Variants in GBP3 observed in about 807,000 individuals in gnomAD.
The protein encoded by GBP3 is guanylate-binding protein 3.
In GBP3, 55 loss-of-function variants were observed where a neutral mutation model predicts 62.4. That is an observed-to-expected ratio of 0.88 (90% CI 0.71 to 1.10). GBP3 has a LOEUF of 1.10. Among genes scored for constraint, GBP3 ranks in the 50% least tolerant of loss-of-function variants. The pLI is 0.00. For missense variants in GBP3, 605 were observed against 690.6 expected (o/e 0.88, Z 1.39); for synonymous variants, 208 against 259.2 (o/e 0.80, Z 1.90).
chr1:89,015,365 C>T lies in GBP3; in HGVS notation c.240G>A (p.Met80Ile). ...GCTTTTTGGGGTGAGGCACACACCA[C>T]ATCCAGATTCCTTTGGTGTGAGATT... ...TVKSHTKGIWMWCVPHPKKPE... is the reference protein window; with the variant it reads ...TVKSHTKGIWIWCVPHPKKPE... Residue 80 changes from methionine to isoleucine, a missense_variant, in exon 3 of 11, where the codon ATG becomes ATA. Transcript: ENST00000370481. 6.2e-7 allele frequency: 1 copy of T among 1,613,304 alleles called. No individual in the cohort carries two copies.
rs1056063614 is a variant in GBP3 at position 89,013,406 on chromosome 1, T to G, written c.647A>C (p.Asn216Thr). The G allele has an allele frequency of 6.2e-7, 1 of 1,611,284 alleles. No homozygotes were observed. Among genetic ancestry groups the G allele is most frequent in the Admixed American group, 1.7e-5 (1 of 59,430 alleles). ...LTQGTSQKDK[N>T]FNLPRLCIRK... ...GATACAGAGTCGGGGCAGATTAAAA[T>G]TTTTATCTTTTTGACTGGTACCTAG... Residue 216 changes from asparagine to threonine, a missense_variant, in exon 6 of 11, where the codon AAT (asparagine) becomes ACT (threonine). By Grantham distance (65) the Asn-to-Thr change is moderately conservative (BLOSUM62 0). Around this residue, in one of 3 missense-constraint regions of GBP3, gnomAD observed 308 missense variants for 318.0 expected, o/e 0.97. Coordinates refer to ENST00000370481, the MANE Select transcript of GBP3 (RefSeq NM_018284.3).
intron 2 of GBP3, among the ~76,000 whole-genome samples, chr1:89,018,838 A>AC (rs1049568859): frequency 1.3e-5 from 2 of 151,020 alleles, no homozygotes; most frequent in South Asian, 2.1e-4. Flanking sequence ...GAAGGCTGTG[A>AC]CCCCCCTGGA....
intron 2 of GBP3, among the ~76,000 whole-genome samples, chr1:89,017,325 A>G (rs1678937190): frequency 6.6e-6 from 1 of 152,128 alleles, no homozygotes; most frequent in East Asian, 1.9e-4. Flanking sequence ...TGCCAAAAAA[A>G]AAAAAAAAGT....
At position 89,006,753 on chromosome 1, in the gene GBP3, C is replaced by T. The variant is rs1678239433; in HGVS notation, c.*971G>A. ...GCTGTAAGAAATGTCAACCACTTAC[C>T]TAGGATGTTTGACAATTGGGATGAA... On this transcript the variant is annotated 3_prime_UTR_variant, in exon 11 of 11. Transcript: ENST00000370481. 6.6e-6 allele frequency: 1 copy of T among 151,844 alleles called. No homozygotes were observed. The highest frequency in any genetic ancestry group is 1.5e-5 in the Non-Finnish European group (1 of 67,970). 9.4% of individuals were successfully genotyped at this position (151,844 alleles called of 1,614,324 possible). A position where few individuals can be genotyped will look rare whatever the true frequency, so the allele number is the denominator to read the frequency against.
At chr1:89,021,510 G>GCACACACACACACA (rs1553178198) in intron 1 of GBP3, among the ~76,000 whole-genome samples, 195 of 131,724 alleles carry the variant, frequency 1.5e-3, no homozygotes, top group South Asian at 2.6e-3. Context: ...GCGCGCGCGC[G>GCACACACACACACA]CACACACACA....
chr1:89,021,510 G>GCGCACA lies in GBP3; in HGVS notation c.-22-768_-22-767insTGTGCG, dbSNP rs751639388. Among the ~76,000 whole-genome samples the GCGCACA allele has an allele frequency of 6.2e-3, 823 of 131,714 alleles. 13 individuals carry two copies. The highest frequency in any genetic ancestry group is 0.016 in the Admixed American group (205 of 13,118). The allele number at this position is 131,714 out of a possible 152,430, so 86.4% of individuals were successfully genotyped here. Reference sequence around the variant, plus strand: ...CTAAGAAACACGCATGCGCGCGCGCGCACACACACACACACACACACACAC... The same window carrying GCGCACA: ...CTAAGAAACACGCATGCGCGCGCGCGCGCACACACACACACACACACACACACACAC... On this transcript the variant is annotated intron_variant, in intron 1 of 10. Transcript: ENST00000370481.
intron 4 of GBP3, 27 bp from the exon 5 acceptor site, chr1:89,014,306 CA>C: frequency 6.2e-7 from 1 of 1,613,882 alleles, no homozygotes; most frequent in Non-Finnish European, 8.5e-7. Context: ...GGAAATGTGA[CA>C]AAATGAACAG....
At chr1:89,019,537 A>C (rs1167733702) in intron 2 of GBP3, among the ~76,000 whole-genome samples, 2 of 152,164 alleles carry the variant, frequency 1.3e-5, no homozygotes, top group African/African-American at 2.4e-5. Flanking sequence ...ATCTGCCTGC[A>C]TTGGCCTCCC....
rs746541602 is a variant in GBP3 at position 89,011,861 on chromosome 1, T to C, written c.1035A>G (p.Ala345=). The change falls in exon 7 of 11, where the codon GCA becomes GCG. Residue 345 remains alanine, a synonymous_variant. Transcript: ENST00000370481. ...QQMGQKVQLP[A]ETLQELLDLH... is the part of the protein sequence containing the mutation. ...GGTCCAGCAGCTCCTGGAGGGTTTC[T>C]GCGGGCAGCTGCACCTTCTGGCCCA... The C allele has an allele frequency of 3.4e-6, 5 of 1,462,178 alleles. 1 individual carries two copies. The highest frequency in any genetic ancestry group is 2.3e-5 in the East Asian group (1 of 43,222). The allele number at this position is 1,462,178 out of a possible 1,614,324, so 90.6% of individuals were successfully genotyped here. A position where few individuals can be genotyped will look rare whatever the true frequency, so the allele number is the denominator to read the frequency against.
intron 6 of GBP3, 96 bp downstream of exon 6, chr1:89,013,089 C>T (rs1033179683): frequency 1.6e-5 from 22 of 1,368,508 alleles, no homozygotes; most frequent in Non-Finnish European, 1.9e-5. Context: ...CTGCCCTCCT[C>T]GGCCTCCCAA....
chr1:89,009,853 G>C (rs1265343402), intron 8 of GBP3, among the ~76,000 whole-genome samples: 1 of 152,194 alleles, frequency 6.6e-6, no homozygotes, highest in Non-Finnish European at 1.5e-5. Flanking sequence ...GAGGAAGAGA[G>C]GGAGAGAACT....
At chr1:89,008,900 C>A in intron 10 of GBP3, 47 bp downstream of exon 10, 1 of 1,613,236 alleles carries the variant, frequency 6.2e-7, no homozygotes, top group Non-Finnish European at 8.5e-7. Context: ...TCAGGAAGAA[C>A]AGAGAGAAAA....
intron 2 of GBP3, among the ~76,000 whole-genome samples, chr1:89,019,862 A>T (rs559846332): frequency 2.0e-5 from 3 of 152,226 alleles, no homozygotes; most frequent in Non-Finnish European, 4.4e-5. Flanking sequence ...AATTAATACC[A>T]CAGAACTACA....
intron 2 of GBP3, among the ~76,000 whole-genome samples, chr1:89,018,116 C>T (rs994841478): frequency 7.2e-5 from 11 of 151,880 alleles, no homozygotes; most frequent in African/African-American, 2.7e-4. Context: ...AGGGAGACCC[C>T]GTGAAACTAT....
chr1:89,009,509 AAC>A lies in GBP3; in HGVS notation c.1363-17_1363-16del, dbSNP rs771155567. ...ATCTCTTCAGCCTTAGGACCCAGAG[AAC>A]ACAGAGTGAGAAGTAGGAAATGGCT... On this transcript the variant is annotated splice_polypyrimidine_tract_variant and intron_variant, in intron 8 of 10. Transcript: ENST00000370481. 4 of 1,612,630 alleles carry A rather than the reference AAC, an allele frequency of 2.5e-6. No homozygotes were observed. The South Asian group carries it at 4.4e-5, about 18-fold the overall frequency.
At position 89,007,026 on chromosome 1, in the gene GBP3, G is replaced by A. The variant is rs949963119; in HGVS notation, c.*698C>T. 9 of 152,188 alleles carry A rather than the reference G, an allele frequency of 5.9e-5. No individual in the cohort carries two copies. Among genetic ancestry groups the A allele is most frequent in the Non-Finnish European group, 1.0e-4 (7 of 68,026 alleles). 9.4% of individuals were successfully genotyped at this position (152,188 alleles called of 1,614,324 possible). On this transcript the variant is annotated 3_prime_UTR_variant, in exon 11 of 11. Coordinates refer to ENST00000370481, the MANE Select transcript of GBP3 (RefSeq NM_018284.3). ...TTATACATTACTAAAATTACACAGT[G>A]CATAATTGTTACCATGTGACTATTT...
intron 8 of GBP3, among the ~76,000 whole-genome samples, chr1:89,010,415 C>T (rs1678492053): frequency 1.4e-5 from 2 of 137,944 alleles, no homozygotes; most frequent in South Asian, 2.4e-4. Flanking sequence ...CCACTGCGCC[C>T]GGCCTAGTTA....
intron 2 of GBP3, among the ~76,000 whole-genome samples, chr1:89,019,748 G>T (rs969432247): frequency 1.1e-4 from 17 of 152,198 alleles, no homozygotes; most frequent in African/African-American, 2.7e-4. Context: ...GCAGGAGATG[G>T]GTGTAGGTGG....
At position 89,011,073 on chromosome 1, in the gene GBP3, T is replaced by C; in HGVS notation, c.1193A>G (p.Gln398Arg). 6.8e-7 allele frequency: 1 copy of C among 1,462,184 alleles called. No individual in the cohort carries two copies. The highest frequency in any genetic ancestry group is 9.5e-7 in the Non-Finnish European group (1 of 1,055,124). The allele number at this position is 1,462,184 out of a possible 1,614,324, so 90.6% of individuals were successfully genotyped here. A position where few individuals can be genotyped will look rare whatever the true frequency, so the allele number is the denominator to read the frequency against. The stretch of plus-strand genomic sequence containing the variant: ...TGAGCAACGATCTGATGATGCTTCT[T>C]GATTCTGTTTACAAAAGTCATCCCG... ...KKRDDFCKQNQEASSDRCSAL... is the reference protein window; with the variant it reads ...KKRDDFCKQNREASSDRCSAL... The change falls in exon 8 of 11, where the codon CAA becomes CGA. Residue 398 changes from glutamine (Q) to arginine (R), a missense_variant. Gln to Arg is a conservative substitution (Grantham distance 43). Coordinates refer to ENST00000370481, the MANE Select transcript of GBP3 (RefSeq NM_018284.3).
Sources: allele counts gnomAD v4.1 joint callset (sites outside exome capture counted in the v4.1 genomes callset), GRCh38; gene constraint gnomAD v4.1.1; regional missense constraint gnomAD v4.1.1; transcripts MANE v1.5; gene names NCBI Gene and HGNC (gene_info 2026-07-23, HGNC 2026-07-21).